The following FRYL variants were observed in gnomAD, a reference collection of about 807,000 sequenced individuals.
The protein encoded by FRYL is FRY like transcription coactivator.
FRYL carries 150 observed loss-of-function variants against 351.2 expected under a neutral mutation model. The ratio of observed to expected loss-of-function variants is 0.43; its 90% CI spans 0.37 to 0.49. FRYL has a LOEUF of 0.49. Among genes scored for constraint, FRYL ranks in the 20% least tolerant of loss-of-function variants. The probability of loss-of-function intolerance (pLI) is 0.00; values close to 1 mark genes in which losing one functional copy is unlikely to be tolerated. For synonymous variants in FRYL, 1,153 were observed against 1,257.1 expected, an observed-to-expected ratio of 0.92 and a Z score of 1.75; for missense variants, 3,036 against 3,619.3, an observed-to-expected ratio of 0.84 and a Z score of 4.13.
chr4:48,708,694 G>GC (rs1189735713), intron 2 of FRYL, among the ~76,000 whole-genome samples: 2 of 152,170 alleles, frequency 1.3e-5, no homozygotes, highest in Non-Finnish European at 2.9e-5. Flanking sequence ...TTGGGCTCAA[G>GC]TAATCCTCCC....
At chr4:48,695,060 TCAAA>T (rs574561990) in intron 2 of FRYL, among the ~76,000 whole-genome samples, 43 of 152,218 alleles carry the variant, frequency 2.8e-4, no homozygotes, top group South Asian at 8.3e-4. Flanking sequence ...AGACCCTGTT[TCAAA>T]CAAACAAACA....
intron 24 of FRYL, 79 bp downstream of exon 24, chr4:48,575,951 A>G: frequency 1.7e-6 from 2 of 1,208,078 alleles, no homozygotes; most frequent in East Asian, 5.1e-5. Flanking sequence ...TTTATTGTCC[A>G]TAAAAAGAAA....
chr4:48,665,226 G>C (rs1761502092), intron 3 of FRYL, among the ~76,000 whole-genome samples: 1 of 152,088 alleles, frequency 6.6e-6, no homozygotes, highest in Admixed American at 6.5e-5. Flanking sequence ...TTTGGTTTTA[G>C]TTCTTTTTAT....
At chr4:48,704,750 A>T (rs1438690636) in intron 2 of FRYL, among the ~76,000 whole-genome samples, 1 of 152,094 alleles carries the variant, frequency 6.6e-6, no homozygotes, top group Non-Finnish European at 1.5e-5. Context: ...GGAGTTCCAG[A>T]CCAGCCTGGC....
chr4:48,663,059 G>A (rs1761087926), intron 3 of FRYL, among the ~76,000 whole-genome samples: 1 of 152,020 alleles, frequency 6.6e-6, no homozygotes, highest in African/African-American at 2.4e-5. Flanking sequence ...AACAGTAAAT[G>A]TGTAGTTAAA....
At chr4:48,660,763 G>C (rs1400143022) in intron 3 of FRYL, among the ~76,000 whole-genome samples, 4 of 152,102 alleles carry the variant, frequency 2.6e-5, no homozygotes, top group Non-Finnish European at 5.9e-5. Context: ...GATGAGAATG[G>C]CACTTAATCT....
chr4:48,543,696 T>A, intron 44 of FRYL, 111 bp downstream of exon 44: 1 of 888,940 alleles, frequency 1.1e-6, no homozygotes, highest in Non-Finnish European at 1.7e-6. Flanking sequence ...AACATCTGAC[T>A]ATAATTCTAG....
intron 2 of FRYL, among the ~76,000 whole-genome samples, chr4:48,686,920 G>C (rs1765199696): frequency 6.6e-6 from 1 of 152,112 alleles, no homozygotes; most frequent in African/African-American, 2.4e-5. Flanking sequence ...TTTCGCTTTT[G>C]ATAAGATAAA....
At chr4:48,661,943 A>G (rs1279746493) in intron 3 of FRYL, among the ~76,000 whole-genome samples, 1 of 152,248 alleles carries the variant, frequency 6.6e-6, no homozygotes, top group East Asian at 1.9e-4. Flanking sequence ...TTCACTATGT[A>G]GAACTAACAG....
At chr4:48,744,987 G>A (rs1252615284) in intron 1 of FRYL, among the ~76,000 whole-genome samples, 4 of 152,174 alleles carry the variant, frequency 2.6e-5, no homozygotes, top group Non-Finnish European at 4.4e-5. Context: ...TGATTACATT[G>A]AGAAATTCAG....
chr4:48,634,565 A>G (rs1560759536), intron 3 of FRYL, 75 bp from the exon 4 acceptor site: 2 of 1,157,042 alleles, frequency 1.7e-6, no homozygotes, highest in Non-Finnish European at 2.5e-6. Context: ...ACCCTATTTA[A>G]TTTGTAAGCT....
Position 48,550,721 on chromosome 4 carries a change from T to C in FRYL, c.4521-17A>G, listed in dbSNP as rs1292937481. ...TGCACATAGCTATGGGAATGATCAC[T>C]GAAGTTAGTCACAGTTCACGGTGCA... On this transcript the variant is annotated splice_polypyrimidine_tract_variant and intron_variant, in intron 37 of 63. Coordinates refer to ENST00000358350, the MANE Select transcript of FRYL (RefSeq NM_015030.2). The C allele has an allele frequency of 6.6e-7, 1 of 1,522,334 alleles. No individual in the cohort carries two copies. The highest frequency in any genetic ancestry group is 1.4e-5 in the African/African-American group (1 of 73,038). The allele number at this position is 1,522,334 out of a possible 1,614,324, so 94.3% of individuals were successfully genotyped here.
At chr4:48,592,055 A>G (rs1355729313) in intron 16 of FRYL, among the ~76,000 whole-genome samples, 4 of 142,440 alleles carry the variant, frequency 2.8e-5, no homozygotes, top group Non-Finnish European at 6.1e-5. Context: ...AGGTAGTTCA[A>G]TGGAATACGG....
chr4:48,673,947 C>T lies in FRYL; in HGVS notation c.-81+10726G>A, dbSNP rs960955149. On this transcript the variant is annotated intron_variant, in intron 3 of 63. Transcript: ENST00000358350. ...CACTTCAGTTATTGGTAAAACAGAA[C>T]AAGTTAATAGTGTCCAGAATATAGA... 3.9e-5 allele frequency among the ~76,000 whole-genome samples: 6 copies of T among 152,178 alleles called. No individual in the cohort carries two copies. In the East Asian group the frequency reaches 1.2e-3, roughly 29 times the overall value.
chr4:48,499,304 C>T lies in FRYL; in HGVS notation c.*118G>A. 3 of 828,148 alleles carry T rather than the reference C, an allele frequency of 3.6e-6. No homozygotes were observed. Among genetic ancestry groups the T allele is most frequent in the South Asian group, 1.7e-5 (1 of 57,772 alleles). 51.3% of individuals were successfully genotyped at this position (828,148 alleles called of 1,614,324 possible). ...TGATGATACAGTTTGACATTAGTTACACTAAAAAGTAGATGCTGCCAGAAA... is the reference window on the plus strand; with the variant it reads ...TGATGATACAGTTTGACATTAGTTATACTAAAAAGTAGATGCTGCCAGAAA... On this transcript the variant is annotated 3_prime_UTR_variant, in exon 64 of 64. Coordinates refer to ENST00000358350, the MANE Select transcript of FRYL (RefSeq NM_015030.2).
chr4:48,582,275 A>G (rs1200040821), intron 20 of FRYL, among the ~76,000 whole-genome samples: 1 of 152,234 alleles, frequency 6.6e-6, no homozygotes, highest in East Asian at 1.9e-4. Context: ...TTCTATGCTC[A>G]TTAAAAACCC....
chr4:48,598,453 A>T (rs1203268256), intron 13 of FRYL, among the ~76,000 whole-genome samples: 1 of 152,204 alleles, frequency 6.6e-6, no homozygotes, highest in African/African-American at 2.4e-5. Flanking sequence ...AATTAAAAAT[A>T]ACAGCAACAA....
chr4:48,616,070 G>A (rs1397523475), intron 7 of FRYL, among the ~76,000 whole-genome samples: 8 of 152,036 alleles, frequency 5.3e-5, no homozygotes, highest in Admixed American at 1.3e-4. Context: ...GCCTCTCGGC[G>A]GGTGGGGAGC....
chr4:48,571,240 T>C (rs577556496), intron 26 of FRYL, among the ~76,000 whole-genome samples: 163 of 152,306 alleles, frequency 1.1e-3, no homozygotes, highest in Middle Eastern at 3.4e-3. Context: ...CATGGAATTA[T>C]AAGGAATCCC....
Sources: gnomAD v4.1 joint callset for allele counts (sites outside exome capture counted in the v4.1 genomes callset) on GRCh38, gnomAD v4.1.1 for gene constraint, MANE v1.5 for transcripts, NCBI Gene and HGNC (gene_info 2026-07-23, HGNC 2026-07-21) for gene names.